Variants in EPHA4 observed in about 807,000 individuals in gnomAD.
EPHA4 encodes the protein EPH receptor A4.
In EPHA4, 19 loss-of-function variants were observed where a neutral mutation model predicts 108.3. The ratio of observed to expected loss-of-function variants is 0.18; its 90% CI spans 0.12 to 0.26. EPHA4 has a LOEUF of 0.26. Among genes scored for constraint, EPHA4 ranks in the 10% least tolerant of loss-of-function variants. The pLI, the probability that EPHA4 is intolerant of heterozygous loss-of-function variation, is 1.00. For synonymous variants in EPHA4, 449 were observed against 455.5 expected (o/e 0.99, Z 0.18); for missense variants, 917 against 1,254.0 (o/e 0.73, Z 4.06).
At chr2:221,569,832 C>A (rs993267451) in intron 1 of EPHA4, among the ~76,000 whole-genome samples, 2 of 152,174 alleles carry the variant, frequency 1.3e-5, no homozygotes, top group Non-Finnish European at 2.9e-5. Flanking sequence ...GGATTCTGCC[C>A]ACTTTCCCTC....
chr2:221,442,844 C>T lies in EPHA4; in HGVS notation c.2059G>A (p.Gly687Ser). 1 of 1,614,172 alleles carries T rather than the reference C, an allele frequency of 6.2e-7. No individual in the cohort carries two copies. Residue 687 changes from glycine to serine, a missense_variant, in exon 11 of 18, where the codon GGC becomes AGC. By Grantham distance (56) the Gly-to-Ser change is moderately conservative. This residue lies in a region of EPHA4 where 758 missense variants were observed against 1,076.7 expected (regional missense o/e 0.70). Coordinates refer to ENST00000281821, the MANE Select transcript of EPHA4 (RefSeq NM_004438.5). ...ACCCACGTACATTTAGTGACCACGC[C>T]TTCCAAGTGAATGATGTTCGGATGG... ...FDHPNIIHLE[G>S]VVTKCKPVMI...
chr2:221,449,806 G>A (rs1293125967), intron 8 of EPHA4, among the ~76,000 whole-genome samples: 1 of 152,202 alleles, frequency 6.6e-6, no homozygotes. Context: ...GTGGTTCACT[G>A]TTCCAAAACT....
chr2:221,435,587 C>T (rs978399626), intron 13 of EPHA4, among the ~76,000 whole-genome samples: 1 of 152,132 alleles, frequency 6.6e-6, no homozygotes, highest in Non-Finnish European at 1.5e-5. Flanking sequence ...TGGTAACTGT[C>T]AGCTTCGTGT....
At chr2:221,546,044 T>A (rs1435842853) in intron 3 of EPHA4, among the ~76,000 whole-genome samples, 2 of 152,168 alleles carry the variant, frequency 1.3e-5, no homozygotes, top group Non-Finnish European at 2.9e-5. Flanking sequence ...TATAACATAT[T>A]ACAATCATTT....
intron 8 of EPHA4, among the ~76,000 whole-genome samples, chr2:221,451,423 C>T (rs1690780467): frequency 6.6e-6 from 1 of 152,032 alleles, no homozygotes; most frequent in South Asian, 2.1e-4. Context: ...TCACTGTGAA[C>T]AGTCCTTTTA....
chr2:221,537,127 G>A (rs916703547), intron 3 of EPHA4, among the ~76,000 whole-genome samples: 1 of 152,082 alleles, frequency 6.6e-6, no homozygotes, highest in Non-Finnish European at 1.5e-5. Flanking sequence ...TGTGTGTCAG[G>A]CTCAGTTTTA....
At position 221,564,164 on chromosome 2, in the gene EPHA4, G is replaced by A. The variant is rs535375288; in HGVS notation, c.390C>T (p.Asp130=). 7 of 1,614,116 alleles carry A rather than the reference G, an allele frequency of 4.3e-6. No homozygotes were observed. The highest frequency in any genetic ancestry group is 1.1e-5 in the South Asian group (1 of 91,082). ...ETFNLYYYES[D]NDKERFIREN... ...CTCTGATGAAACGCTCTTTGTCGTT[G>A]TCTGATTCATAGTAGTACAGGTTAA... The change falls in exon 3 of 18, where the codon GAC becomes GAT. Residue 130 remains aspartate, a synonymous_variant. Coordinates refer to ENST00000281821, the MANE Select transcript of EPHA4 (RefSeq NM_004438.5).
chr2:221,438,823 G>C (rs1314585996), intron 11 of EPHA4, among the ~76,000 whole-genome samples: 1 of 152,054 alleles, frequency 6.6e-6, no homozygotes, highest in African/African-American at 2.4e-5. Context: ...TTTTATTGCT[G>C]CATTGGCTGA....
rs180931681 is a variant in EPHA4, at chr2:221,430,455, C to T, written c.2497-304G>A. Among the ~76,000 whole-genome samples the T allele has an allele frequency of 7.1e-4, 108 of 152,234 alleles. 1 individual carries two copies. The highest frequency in any genetic ancestry group is 1.7e-3 in the South Asian group (8 of 4,812). ...GTGACGGCCCTCAGAGATCATGTGG[C>T]CCTGCCCCCTGCCCCCTGCCTCCAG... On this transcript the variant is annotated intron_variant, in intron 14 of 17. Coordinates refer to ENST00000281821, the MANE Select transcript of EPHA4 (RefSeq NM_004438.5).
chr2:221,496,954 T>A (rs1325288961), intron 4 of EPHA4, among the ~76,000 whole-genome samples: 1 of 152,050 alleles, frequency 6.6e-6, no homozygotes, highest in Non-Finnish European at 1.5e-5. Context: ...GAACCTTAAC[T>A]GTACAATAAA....
intron 5 of EPHA4, among the ~76,000 whole-genome samples, chr2:221,468,972 A>C (rs1176776868): frequency 1.3e-5 from 2 of 152,250 alleles, no homozygotes; most frequent in Non-Finnish European, 2.9e-5. Context: ...CTGTGAAGTT[A>C]AAGAAAAAGT....
intron 5 of EPHA4, among the ~76,000 whole-genome samples, chr2:221,477,946 T>C (rs1390975555): frequency 6.6e-6 from 1 of 152,150 alleles, no homozygotes; most frequent in Admixed American, 6.6e-5. Flanking sequence ...ACCATAGCTG[T>C]GCTAGAGAGA....
At chr2:221,491,888 T>C (rs906001670) in intron 4 of EPHA4, among the ~76,000 whole-genome samples, 1 of 152,100 alleles carries the variant, frequency 6.6e-6, no homozygotes, top group African/African-American at 2.4e-5. Flanking sequence ...TGGTGGCTCG[T>C]TTCTGTAATC....
At chr2:221,501,788 CA>C (rs1385728578) in intron 3 of EPHA4, among the ~76,000 whole-genome samples, 2 of 152,120 alleles carry the variant, frequency 1.3e-5, no homozygotes, top group Non-Finnish European at 2.9e-5. Context: ...GAAAGATCAA[CA>C]AAGGCAAGCA....
intron 5 of EPHA4, among the ~76,000 whole-genome samples, chr2:221,473,704 T>G (rs1409440373): frequency 1.3e-5 from 2 of 152,132 alleles, no homozygotes; most frequent in African/African-American, 2.4e-5. Flanking sequence ...AGTAATTAAT[T>G]GAGCCAGTTG....
At chr2:221,539,464 A>G (rs1279452156) in intron 3 of EPHA4, among the ~76,000 whole-genome samples, 1 of 152,154 alleles carries the variant, frequency 6.6e-6, no homozygotes, top group Non-Finnish European at 1.5e-5. Flanking sequence ...GAGAGAAGAA[A>G]AAAATGATGC....
rs575997973 is a variant in EPHA4, at chr2:221,426,382, A to G, written c.2846+82T>C. ...TCCAGATTTTTTTTAAATGAGTAGG[A>G]TGATTACGCAGCTCAAAGCAAAAAA... On this transcript the variant is annotated intron_variant, in intron 16 of 17. Coordinates refer to ENST00000281821, the MANE Select transcript of EPHA4 (RefSeq NM_004438.5). 3.7e-5 allele frequency: 54 copies of G among 1,477,220 alleles called. No individual in the cohort carries two copies. In the Middle Eastern group the frequency reaches 6.8e-4, roughly 18 times the overall value. 91.5% of individuals were successfully genotyped at this position (1,477,220 alleles called of 1,614,324 possible). A position where few individuals can be genotyped will look rare whatever the true frequency, so the allele number is the denominator to read the frequency against.
chr2:221,444,818 T>C (rs891944129), intron 9 of EPHA4, among the ~76,000 whole-genome samples: 2 of 134,590 alleles, frequency 1.5e-5, no homozygotes, highest in Non-Finnish European at 3.1e-5. Flanking sequence ...AGTACAGTGG[T>C]AGGATCTTGG....
chr2:221,489,994 A>T (rs1483719129), intron 4 of EPHA4, among the ~76,000 whole-genome samples: 1 of 151,996 alleles, frequency 6.6e-6, no homozygotes, highest in Non-Finnish European at 1.5e-5. Flanking sequence ...AAAATTATAA[A>T]AATTAGCCAG....
Sources: allele counts gnomAD v4.1 joint callset (sites outside exome capture counted in the v4.1 genomes callset), GRCh38; gene constraint gnomAD v4.1.1; regional missense constraint gnomAD v4.1.1; transcripts MANE v1.5; gene names NCBI Gene and HGNC (gene_info 2026-07-23, HGNC 2026-07-21).